The following THOP1 variants were observed in gnomAD, a reference collection of about 807,000 sequenced individuals.
The protein encoded by THOP1 is thimet oligopeptidase 1.
THOP1 carries 49 observed loss-of-function variants against 71.8 expected under a neutral mutation model. The observed-to-expected ratio is 0.68, with a 90% CI of 0.54 to 0.87. The LOEUF (loss-of-function observed/expected upper bound fraction) is 0.87, where lower values mean the gene tolerates loss of function less well. THOP1 is among the 40% of genes least tolerant of loss of function. THOP1 has a pLI of 0.00. For missense variants in THOP1, 843 were observed against 975.6 expected (o/e 0.86, Z 1.81); for synonymous variants, 426 against 421.5 (o/e 1.01, Z -0.13).
intron 2 of THOP1, among the ~76,000 whole-genome samples, chr19:2,792,815 G>A (rs1915918083): frequency 6.6e-6 from 1 of 151,978 alleles, no homozygotes; most frequent in African/African-American, 2.4e-5. Context: ...CACCGTGCCT[G>A]GCTAATTTGT....
Position 2,805,426 on chromosome 19 carries a change from C to T in THOP1, c.750+250C>T, listed in dbSNP as rs1916266299. ...GTTCATCCTTCCCAAGCTGAGCCTCCTGCTGCTGCTCTGAGCATCTGGCCG... is the reference window on the plus strand; with the variant it reads ...GTTCATCCTTCCCAAGCTGAGCCTCTTGCTGCTGCTCTGAGCATCTGGCCG... On this transcript the variant is annotated intron_variant, in intron 6 of 12. Coordinates refer to ENST00000307741, the MANE Select transcript of THOP1 (RefSeq NM_003249.5). The surrounding 1 kb of genome is among the most constrained non-coding windows in gnomAD (Gnocchi z 6.6). 6.6e-6 allele frequency among the ~76,000 whole-genome samples: 1 copy of T among 152,232 alleles called. No individual in the cohort carries two copies. Among genetic ancestry groups the T allele is most frequent in the Non-Finnish European group, 1.5e-5 (1 of 68,040 alleles).
rs147314822 is a variant in THOP1 at position 2,794,837 on chromosome 19, C to T, written c.303C>T (p.Ala101=). 87 of 1,613,868 alleles carry T rather than the reference C, an allele frequency of 5.4e-5. No homozygotes were observed. Among genetic ancestry groups the T allele is most frequent in the South Asian group, 2.9e-4 (26 of 91,078 alleles). ...ACATCCGGACAGCCAGCACAGAGGCCGACAAGAAGCTCTCTGAGTTCGACG... is the reference window on the plus strand; with the variant it reads ...ACATCCGGACAGCCAGCACAGAGGCTGACAAGAAGCTCTCTGAGTTCGACG... The part of the protein sequence containing the change: ...SKDIRTASTE[A]DKKLSEFDVE... Residue 101 remains alanine, a synonymous_variant, in exon 3 of 13, where the codon GCC becomes GCT. Transcript: ENST00000307741.
chr19:2,810,324 C>T lies in THOP1; in HGVS notation c.1476C>T (p.Ser492=), dbSNP rs767464708. 61 of 1,611,262 alleles carry T rather than the reference C, an allele frequency of 3.8e-5. No homozygotes were observed. Among genetic ancestry groups the T allele is most frequent in the South Asian group, 3.2e-4 (29 of 90,962 alleles). The stretch of plus-strand genomic sequence containing the variant: ...TGCAGGCGGAGTTCGCCATGTTCAG[C>T]GGGACCCACGTGGAGCGGGACTTTG... ...LCSQAEFAMF[S]GTHVERDFVE... is the part of the protein sequence containing the mutation. The change falls in exon 10 of 13, where the codon AGC becomes AGT. Residue 492 remains serine, a synonymous_variant. Transcript: ENST00000307741.
rs1916312416 is a variant in THOP1 at position 2,807,106 on chromosome 19, C to T, written c.886+54C>T. 5 of 1,560,032 alleles carry T rather than the reference C, an allele frequency of 3.2e-6. No individual in the cohort carries two copies. In the South Asian group the frequency reaches 5.9e-5, roughly 18 times the overall value. ...TCCCTGTGGGGAAGGTTCTCAGGGT[C>T]ACCCCAGGGGACAGTCGGTGCTACC... On this transcript the variant is annotated intron_variant, in intron 7 of 12. Coordinates refer to ENST00000307741, the MANE Select transcript of THOP1 (RefSeq NM_003249.5).
chr19:2,805,314 C>G lies in THOP1; in HGVS notation c.750+138C>G, dbSNP rs1170026051. The G allele has an allele frequency of 1.3e-5, 14 of 1,063,618 alleles. No homozygotes were observed. The highest frequency in any genetic ancestry group is 1.7e-5 in the Non-Finnish European group (13 of 759,070). 65.9% of individuals were successfully genotyped at this position (1,063,618 alleles called of 1,614,324 possible). On this transcript the variant is annotated intron_variant, in intron 6 of 12. Coordinates refer to ENST00000307741, the MANE Select transcript of THOP1 (RefSeq NM_003249.5). This position sits in a 1 kb window ranked among gnomAD's most constrained non-coding sequence, Gnocchi z 6.6. ...CTCCCTGGCCAGGCCCAGTGGCCAG[C>G]AGAGGCCTCCCTGTGGGGCTCTGCC... is the stretch of plus-strand genomic sequence containing the variant.
rs940086665 is a variant in THOP1 at position 2,790,471 on chromosome 19, G to A, written c.67G>A (p.Asp23Asn). ...AGCATCTCCGTGCTCTGTGGTAAAC[G>A]ACCTGCGGTGGGACCTGAGTGCCCA... ...DAASPCSVVN[D>N]LRWDLSAQQI... Residue 23 changes from aspartate to asparagine, a missense_variant, in exon 2 of 13, where the codon GAC (aspartate) becomes AAC (asparagine). Asp to Asn is a conservative substitution (Grantham distance 23). Transcript: ENST00000307741. 1.9e-6 allele frequency: 3 copies of A among 1,601,876 alleles called. No homozygotes were observed. Among genetic ancestry groups the A allele is most frequent in the Non-Finnish European group, 2.6e-6 (3 of 1,173,846 alleles).
At position 2,799,691 on chromosome 19, in the gene THOP1, C is replaced by T. The variant is rs139377189; in HGVS notation, c.489C>T (p.Asn163=). The T allele has an allele frequency of 1.2e-6, 2 of 1,612,238 alleles. No homozygotes were observed. Among genetic ancestry groups the T allele is most frequent in the Middle Eastern group, 1.7e-4 (1 of 6,046 alleles). The change falls in exon 5 of 13, where the codon AAC becomes AAT. Residue 163 remains asparagine, a splice_region_variant and synonymous_variant. Transcript: ENST00000307741. ...TCACGCCCCGCCTTTCTCTCCAGAACATCAAACGCATCAAGAAGAAGCTGA... is the reference window on the plus strand; with the variant it reads ...TCACGCCCCGCCTTTCTCTCCAGAATATCAAACGCATCAAGAAGAAGCTGA... The part of the protein sequence containing the change: ...GLHLPRETQE[N]IKRIKKKLSL...
At chr19:2,810,246 C>T (rs1045261829) in intron 9 of THOP1, 58 bp from the exon 10 acceptor site, 33 of 1,569,016 alleles carry the variant, frequency 2.1e-5, no homozygotes, top group African/African-American at 1.1e-4. Context: ...CGGGCCAGGC[C>T]GGCGGGAACG....
rs1373348063 is a variant in THOP1, at chr19:2,801,727, G to C, written c.589+1936G>C. ...CATATCTGGCCAGGGCCTTCTTCCTGGTGGGGACTCTGGAGCCCTGAGGCG... is the reference window on the plus strand; with the variant it reads ...CATATCTGGCCAGGGCCTTCTTCCTCGTGGGGACTCTGGAGCCCTGAGGCG... On this transcript the variant is annotated intron_variant, in intron 5 of 12. Transcript: ENST00000307741. This position sits in a 1 kb window ranked among gnomAD's most constrained non-coding sequence, Gnocchi z 5.1. Among the ~76,000 whole-genome samples, 1 of 152,140 alleles carries C rather than the reference G, an allele frequency of 6.6e-6. No homozygotes were observed. The highest frequency in any genetic ancestry group is 1.5e-5 in the Non-Finnish European group (1 of 68,008).
chr19:2,792,976 G>A (rs1169203072), intron 2 of THOP1, among the ~76,000 whole-genome samples: 1 of 152,144 alleles, frequency 6.6e-6, no homozygotes, highest in Non-Finnish European at 1.5e-5. Context: ...AGGAGTTCGA[G>A]ACCAGCCTGA....
rs200506785 is a variant in THOP1 at position 2,810,445 on chromosome 19, C to T, written c.1597C>T (p.Arg533Trp). Residue 533 changes from arginine to tryptophan, a missense_variant, in exon 10 of 13, where the codon CGG becomes TGG. Transcript: ENST00000307741. ...RHYRTGSAVP[R>W]ELLEKLIESR... ...CTACCGCACAGGCAGCGCCGTGCCC[C>T]GGGAGCTCCTGGAGAAGCTCATTGA... is the stretch of plus-strand genomic sequence containing the variant. 2.9e-4 allele frequency: 467 copies of T among 1,587,548 alleles called. No homozygotes were observed. Among genetic ancestry groups the T allele is most frequent in the Middle Eastern group, 4.3e-4 (2 of 4,602 alleles).
In THOP1 at chr19:2,805,077, C is replaced by A. The variant is rs998027627; in HGVS notation, c.651C>A (p.Val217=). The A allele has an allele frequency of 6.2e-7, 1 of 1,612,898 alleles. No homozygotes were observed. The highest frequency in any genetic ancestry group is 8.5e-7 in the Non-Finnish European group (1 of 1,179,816). ...AGATGGAGGACGGCAAGTTGAAGGT[C>A]ACCCTCAAGTACCCCCATTACTTCC... The part of the protein sequence containing the change: ...LEKMEDGKLK[V]TLKYPHYFPL... The change falls in exon 6 of 13, where the codon GTC becomes GTA. Residue 217 remains valine, a synonymous_variant. Transcript: ENST00000307741. The surrounding 1 kb of genome is among the most constrained non-coding windows in gnomAD (Gnocchi z 6.6).
intron 5 of THOP1, among the ~76,000 whole-genome samples, chr19:2,800,532 C>T (rs1916121131): frequency 6.6e-6 from 1 of 152,226 alleles, no homozygotes; most frequent in African/African-American, 2.4e-5. Flanking sequence ...CAGTTCTAGA[C>T]TCTGAATGTA....
At chr19:2,803,116 T>G (rs1250212432) in intron 5 of THOP1, among the ~76,000 whole-genome samples, 1 of 152,236 alleles carries the variant, frequency 6.6e-6, no homozygotes, top group Non-Finnish European at 1.5e-5. Flanking sequence ...ATGCTCTCCC[T>G]GCCCCAGCCC....
chr19:2,794,836 C>T lies in THOP1; in HGVS notation c.302C>T (p.Ala101Val). The T allele has an allele frequency of 1.2e-6, 2 of 1,614,030 alleles. No individual in the cohort carries two copies. The highest frequency in any genetic ancestry group is 1.7e-6 in the Non-Finnish European group (2 of 1,179,968). ...SKDIRTASTE[A>V]DKKLSEFDVE... Reference sequence around the variant, plus strand: ...GACATCCGGACAGCCAGCACAGAGGCCGACAAGAAGCTCTCTGAGTTCGAC... The same window carrying T: ...GACATCCGGACAGCCAGCACAGAGGTCGACAAGAAGCTCTCTGAGTTCGAC... The change falls in exon 3 of 13, where the codon GCC (alanine) becomes GTC (valine). Residue 101 changes from alanine to valine, a missense_variant. Physicochemically the swap from Ala to Val is moderately conservative, Grantham distance 64. Coordinates refer to ENST00000307741, the MANE Select transcript of THOP1 (RefSeq NM_003249.5).
chr19:2,805,074 G>A lies in THOP1; in HGVS notation c.648G>A (p.Lys216=). The change falls in exon 6 of 13, where the codon AAG becomes AAA. Residue 216 remains lysine, a synonymous_variant. Coordinates refer to ENST00000307741, the MANE Select transcript of THOP1 (RefSeq NM_003249.5). This position sits in a 1 kb window ranked among gnomAD's most constrained non-coding sequence, Gnocchi z 6.6. ...SLEKMEDGKL[K]VTLKYPHYFP... is the part of the protein sequence containing the mutation. The stretch of plus-strand genomic sequence containing the variant: ...AGAAGATGGAGGACGGCAAGTTGAA[G>A]GTCACCCTCAAGTACCCCCATTACT... The A allele has an allele frequency of 6.2e-7, 1 of 1,612,916 alleles. No homozygotes were observed. The highest frequency in any genetic ancestry group is 1.7e-5 in the Admixed American group (1 of 59,976).
chr19:2,799,866 C>A, intron 5 of THOP1, 75 bp downstream of exon 5: 2 of 1,333,914 alleles, frequency 1.5e-6, no homozygotes, highest in Non-Finnish European at 2.1e-6. Flanking sequence ...CCCTCGGGGG[C>A]CGCCGCTTCC....
At chr19:2,789,311 T>G (rs964295611) in intron 1 of THOP1, among the ~76,000 whole-genome samples, 7 of 152,208 alleles carry the variant, frequency 4.6e-5, no homozygotes, top group Non-Finnish European at 5.9e-5. Context: ...CCAGGTGGTT[T>G]TGCCACCTTC....
chr19:2,810,895 G>A (rs1457789645), intron 11 of THOP1, 127 bp downstream of exon 11: 4 of 1,405,712 alleles, frequency 2.8e-6, no homozygotes, highest in East Asian at 2.5e-5. Context: ...GAGCCACGGA[G>A]CGCGTCCCAG....
Sources: gnomAD v4.1 joint callset for allele counts (sites outside exome capture counted in the v4.1 genomes callset) on GRCh38, gnomAD v4.1.1 for gene constraint, Gnocchi (gnomAD v3.1) non-coding constraint, MANE v1.5 for transcripts, NCBI Gene and HGNC (gene_info 2026-07-23, HGNC 2026-07-21) for gene names.